The following SH3GLB1 variants were observed in gnomAD, a reference collection of about 807,000 sequenced individuals.
The protein encoded by SH3GLB1 is endophilin-B1.
In SH3GLB1, 17 loss-of-function variants were observed where a neutral mutation model predicts 42.0. That is an observed-to-expected ratio of 0.40 (90% confidence interval 0.28 to 0.61). SH3GLB1 has a LOEUF of 0.61. Among genes scored for constraint, SH3GLB1 ranks in the 20% least tolerant of loss-of-function variants. The pLI is 0.36. For synonymous variants in SH3GLB1, 132 were observed against 146.6 expected, an observed-to-expected ratio of 0.90 and a Z score of 0.72; for missense variants, 355 against 426.3, an observed-to-expected ratio of 0.83 and a Z score of 1.47.
chr1:86,726,448 A>T (rs754698033), intron 5 of SH3GLB1, among the ~76,000 whole-genome samples: 2 of 152,052 alleles, frequency 1.3e-5, no homozygotes, highest in African/African-American at 4.8e-5. Flanking sequence ...TCTAGAAAAG[A>T]TCTTGGCAAT....
At chr1:86,706,835 T>TG (rs1653896010) in intron 1 of SH3GLB1, among the ~76,000 whole-genome samples, 1 of 152,222 alleles carries the variant, frequency 6.6e-6, no homozygotes, top group African/African-American at 2.4e-5. Context: ...TAGACTCAAT[T>TG]TAAAAAATTA....
At chr1:86,717,371 C>A (rs1299466244) in intron 2 of SH3GLB1, among the ~76,000 whole-genome samples, 8 of 151,940 alleles carry the variant, frequency 5.3e-5, no homozygotes, top group Non-Finnish European at 1.5e-5. Flanking sequence ...GCCAGGAAGT[C>A]GTAATAATTG....
At chr1:86,734,545 G>T in intron 5 of SH3GLB1, 57 bp from the exon 6 acceptor site, 6 of 1,219,536 alleles carry the variant, frequency 4.9e-6, no homozygotes, top group Non-Finnish European at 7.1e-6. Context: ...TAAAATAAAT[G>T]TATATAAGAT....
chr1:86,732,110 C>G (rs1431382587), intron 5 of SH3GLB1, among the ~76,000 whole-genome samples: 1 of 152,148 alleles, frequency 6.6e-6, no homozygotes, highest in Non-Finnish European at 1.5e-5. Flanking sequence ...ACTTTACATT[C>G]CTGGAGTATT....
rs1362295723 is a variant in SH3GLB1 at position 86,748,024 on chromosome 1, CTT to C, written c.*4795_*4796del. On this transcript the variant is annotated 3_prime_UTR_variant, in exon 9 of 9. Transcript: ENST00000370558. ...TCAAAGTGTACATACTGTTTTGTAA[CTT>C]TTTTTCACTCAACAATACCATGACT... The C allele has an allele frequency of 6.6e-6, 1 of 152,098 alleles. No individual in the cohort carries two copies. Among genetic ancestry groups the C allele is most frequent in the African/African-American group, 2.4e-5 (1 of 41,422 alleles). The allele number at this position is 152,098 out of a possible 1,614,324, so 9.4% of individuals were successfully genotyped here.
At chr1:86,730,144 CAAG>C (rs1655425766) in intron 5 of SH3GLB1, 1 of 1,575,526 alleles carries the variant, frequency 6.3e-7, no homozygotes, top group Non-Finnish European at 8.6e-7. Flanking sequence ...AACTATGAAA[CAAG>C]AATTTAGTTG....
At chr1:86,724,892 A>AAATATATATATATATATATAT (rs1291454820) in intron 5 of SH3GLB1, among the ~76,000 whole-genome samples, 2 of 99,698 alleles carry the variant, frequency 2.0e-5, no homozygotes, top group Admixed American at 1.1e-4. Flanking sequence ...AAAAAAAAAA[A>AAATATATATATATATATATAT]ATATATATAT....
chr1:86,717,855 A>C (rs1225981497), intron 2 of SH3GLB1, among the ~76,000 whole-genome samples: 1 of 152,232 alleles, frequency 6.6e-6, no homozygotes, highest in Admixed American at 6.5e-5. Flanking sequence ...GCAGAAATAC[A>C]TATTACATTG....
chr1:86,729,919 G>T (rs570348266), intron 5 of SH3GLB1, among the ~76,000 whole-genome samples: 2 of 152,154 alleles, frequency 1.3e-5, no homozygotes, highest in South Asian at 2.1e-4. Flanking sequence ...TACTTTCACA[G>T]TATGTTAAGC....
rs1558282940 is a variant in SH3GLB1 at position 86,704,879 on chromosome 1, T to G, written c.-21T>G. ...CCTCGCCGCCGCTAGGTCGGCCGGC[T>G]CCGCCCGGCTGCCGCCTAGGATGAA... On this transcript the variant is annotated 5_prime_UTR_variant, in exon 1 of 9. Transcript: ENST00000370558. The G allele has an allele frequency of 6.5e-7, 1 of 1,547,208 alleles. No individual in the cohort carries two copies. The highest frequency in any genetic ancestry group is 2.6e-5 in the East Asian group (1 of 38,636).
Position 86,704,724 on chromosome 1 carries a change from G to T in SH3GLB1, c.-176G>T. On this transcript the variant is annotated 5_prime_UTR_variant, in exon 1 of 9. Coordinates refer to ENST00000370558, the MANE Select transcript of SH3GLB1 (RefSeq NM_016009.5). ...CGCCGCGCGCTTGTTCTCCTCCCTC[G>T]CCCCGCCTTCATCCTCCCCGTTCAC... 1 of 471,482 alleles carries T rather than the reference G, an allele frequency of 2.1e-6. No homozygotes were observed. Among genetic ancestry groups the T allele is most frequent in the Non-Finnish European group, 3.8e-6 (1 of 266,634 alleles). The allele number at this position is 471,482 out of a possible 1,614,324, so 29.2% of individuals were successfully genotyped here.
rs1433039800 is a variant in SH3GLB1, at chr1:86,743,787, TTA to T, written c.*554_*555del. 1 of 152,654 alleles carries T rather than the reference TTA, an allele frequency of 6.6e-6. No individual in the cohort carries two copies. The highest frequency in any genetic ancestry group is 1.5e-5 in the Non-Finnish European group (1 of 68,028). 9.5% of individuals were successfully genotyped at this position (152,654 alleles called of 1,614,324 possible). A position where few individuals can be genotyped will look rare whatever the true frequency, so the allele number is the denominator to read the frequency against. ...CAACAGAAATCAAATGATTTTAATA[TTA>T]TGTTTTGATGGGTTATTTTCAGAGT... On this transcript the variant is annotated 3_prime_UTR_variant, in exon 9 of 9. Coordinates refer to ENST00000370558, the MANE Select transcript of SH3GLB1 (RefSeq NM_016009.5).
rs112687194 is a variant in SH3GLB1 at position 86,722,605 on chromosome 1, C to A, written c.409C>A (p.Gln137Lys). 16 of 1,609,890 alleles carry A rather than the reference C, an allele frequency of 9.9e-6. 1 individual carries two copies. In the African/African-American group the frequency reaches 1.9e-4, roughly 19 times the overall value. Reference sequence around the variant, plus strand: ...TGGAACAGCAGACAGAGAACTGATTCAAACGTCAGCCTTAAATTTTCTTAC... The same window carrying A: ...TGGAACAGCAGACAGAGAACTGATTAAAACGTCAGCCTTAAATTTTCTTAC... ...RIGTADRELI[Q>K]TSALNFLTPL... Residue 137 changes from glutamine to lysine, a missense_variant, in exon 4 of 9, where the codon CAA becomes AAA. Physicochemically the swap from Gln to Lys is moderately conservative, Grantham distance 53. Coordinates refer to ENST00000370558, the MANE Select transcript of SH3GLB1 (RefSeq NM_016009.5).
chr1:86,710,993 G>A (rs890610932), intron 1 of SH3GLB1, among the ~76,000 whole-genome samples: 6 of 152,140 alleles, frequency 3.9e-5, no homozygotes. Context: ...TTAGGGGTTG[G>A]ATCAGACCAG....
intron 1 of SH3GLB1, among the ~76,000 whole-genome samples, chr1:86,715,383 C>T (rs2101925616): frequency 6.6e-6 from 1 of 152,288 alleles, no homozygotes; most frequent in African/African-American, 2.4e-5. Context: ...AAAGCTCTTA[C>T]TCTTTACCGT....
At chr1:86,716,338 G>A (rs1654532514) in intron 2 of SH3GLB1, among the ~76,000 whole-genome samples, 1 of 152,060 alleles carries the variant, frequency 6.6e-6, no homozygotes, top group African/African-American at 2.4e-5. Context: ...GCAATGGTGT[G>A]ATCTTGGCTC....
At position 86,748,127 on chromosome 1, in the gene SH3GLB1, A is replaced by T. The variant is rs1017698742; in HGVS notation, c.*4892A>T. On this transcript the variant is annotated 3_prime_UTR_variant, in exon 9 of 9. Transcript: ENST00000370558. ...TCCATCATATGTGCCACATTTTATTAAACTACTGTTCAATTTTTAGGTTTC... is the reference window on the plus strand; with the variant it reads ...TCCATCATATGTGCCACATTTTATTTAACTACTGTTCAATTTTTAGGTTTC... The T allele has an allele frequency of 6.6e-6, 1 of 151,942 alleles. No individual in the cohort carries two copies. Among genetic ancestry groups the T allele is most frequent in the African/African-American group, 2.4e-5 (1 of 41,366 alleles). The allele number at this position is 151,942 out of a possible 1,614,324, so 9.4% of individuals were successfully genotyped here.
chr1:86,739,728 G>A (rs545056989), intron 7 of SH3GLB1, among the ~76,000 whole-genome samples: 9 of 152,120 alleles, frequency 5.9e-5, no homozygotes, highest in Non-Finnish European at 1.2e-4. Flanking sequence ...ACTAGGTGGA[G>A]AAAATATGAT....
At chr1:86,707,684 T>G (rs1653950513) in intron 1 of SH3GLB1, among the ~76,000 whole-genome samples, 1 of 150,526 alleles carries the variant, frequency 6.6e-6, no homozygotes, top group South Asian at 2.1e-4. Flanking sequence ...GTTTGGCTCT[T>G]GTTGCCCAGG....
Sources: gnomAD v4.1 joint callset for allele counts (sites outside exome capture counted in the v4.1 genomes callset) on GRCh38, gnomAD v4.1.1 for gene constraint, MANE v1.5 for transcripts, NCBI Gene and HGNC (gene_info 2026-07-23, HGNC 2026-07-21) for gene names.